FSD1L: variants seen among roughly 807,000 people sequenced by gnomAD.
FSD1L encodes FSD1-like protein.
A neutral mutation model predicts 71.6 loss-of-function variants in FSD1L; 45 were observed. That is an observed-to-expected ratio of 0.63 (90% CI 0.49 to 0.81). The LOEUF (loss-of-function observed/expected upper bound fraction) is 0.81, where lower values mean the gene tolerates loss of function less well. FSD1L is among the 30% of genes least tolerant of loss of function. FSD1L has a pLI of 0.00. For synonymous variants in FSD1L, 197 were observed against 207.2 expected (o/e 0.95, Z 0.42); for missense variants, 561 against 618.1 (o/e 0.91, Z 0.98).
chr9:105,543,082 T>C (rs1413038374), intron 13 of FSD1L, among the ~76,000 whole-genome samples: 1 of 152,132 alleles, frequency 6.6e-6, no homozygotes, highest in Non-Finnish European at 1.5e-5. Flanking sequence ...GAAAGTTGCT[T>C]TTGTATTTTG....
chr9:105,527,441 A>T (rs1035832614), intron 10 of FSD1L, among the ~76,000 whole-genome samples: 43 of 152,174 alleles, frequency 2.8e-4, no homozygotes, highest in African/African-American at 1.0e-3. Flanking sequence ...AATATTGTTA[A>T]TACTGAACTT....
chr9:105,521,701 A>C, intron 10 of FSD1L: 2 of 1,613,576 alleles, frequency 1.2e-6, no homozygotes, highest in Non-Finnish European at 1.7e-6. Context: ...AAAAGAGAAG[A>C]GGAAAATGGG....
At chr9:105,536,991 T>C (rs1836310643) in intron 12 of FSD1L, among the ~76,000 whole-genome samples, 3 of 152,190 alleles carry the variant, frequency 2.0e-5, no homozygotes, top group Admixed American at 2.0e-4. Flanking sequence ...ATGAAGACTA[T>C]TACATTTACC....
At chr9:105,462,219 G>GTT (rs775069927) in intron 2 of FSD1L, among the ~76,000 whole-genome samples, 13 of 134,724 alleles carry the variant, frequency 9.6e-5, no homozygotes, top group Non-Finnish European at 1.8e-4. Context: ...TTTAAGTTTT[G>GTT]TTTTTTTTTT....
At chr9:105,522,774 G>T in intron 10 of FSD1L, 1 of 1,610,446 alleles carries the variant, frequency 6.2e-7, no homozygotes, top group Non-Finnish European at 8.5e-7. Context: ...TCTGATGGAT[G>T]AGTTTATAGC....
chr9:105,448,269 A>C, intron 1 of FSD1L, 34 bp downstream of exon 1: 1 of 1,519,884 alleles, frequency 6.6e-7, no homozygotes, highest in Non-Finnish European at 8.8e-7. Flanking sequence ...GGCTACCGAG[A>C]CAAGCCGGGC....
At chr9:105,472,599 AG>A (rs1319562970) in intron 5 of FSD1L, 2 of 152,216 alleles carry the variant, frequency 1.3e-5, no homozygotes, top group African/African-American at 4.8e-5. Context: ...CTATATAATT[AG>A]CAAAAATTAC....
At chr9:105,486,712 A>G (rs1213260871) in intron 7 of FSD1L, among the ~76,000 whole-genome samples, 1 of 152,172 alleles carries the variant, frequency 6.6e-6, no homozygotes, top group African/African-American at 2.4e-5. Flanking sequence ...AATTTCAGCA[A>G]CTTAGAGAGG....
intron 10 of FSD1L, among the ~76,000 whole-genome samples, chr9:105,529,178 A>T (rs1216959493): frequency 6.6e-6 from 1 of 152,174 alleles, no homozygotes; most frequent in Non-Finnish European, 1.5e-5. Flanking sequence ...GTGGGAGTGT[A>T]AATTAATTAG....
chr9:105,519,085 C>T (rs56879807), intron 10 of FSD1L, among the ~76,000 whole-genome samples: 2,400 of 152,118 alleles, frequency 0.016, 88 homozygotes, highest in African/African-American at 0.055. Flanking sequence ...ACACATACAC[C>T]CTCCCAAGTC....
chr9:105,504,956 T>C (rs1833964104), intron 7 of FSD1L, among the ~76,000 whole-genome samples: 1 of 152,212 alleles, frequency 6.6e-6, no homozygotes, highest in Middle Eastern at 3.2e-3. Flanking sequence ...CTCCTCCATA[T>C]ACAATTTCCC....
chr9:105,525,988 A>C (rs1174047152), intron 10 of FSD1L: 1 of 1,563,892 alleles, frequency 6.4e-7, no homozygotes, highest in Non-Finnish European at 8.8e-7. Flanking sequence ...GTCAGAGCAT[A>C]CTAGAGACTA....
At chr9:105,538,343 A>G (rs1836395356) in intron 12 of FSD1L, among the ~76,000 whole-genome samples, 2 of 152,246 alleles carry the variant, frequency 1.3e-5, no homozygotes, top group Non-Finnish European at 2.9e-5. Context: ...AATAATGTGC[A>G]TAAATATTAG....
chr9:105,497,865 A>C (rs1381546558), intron 7 of FSD1L, among the ~76,000 whole-genome samples: 2 of 151,710 alleles, frequency 1.3e-5, no homozygotes, highest in African/African-American at 4.8e-5. Flanking sequence ...GTTTTTAGAG[A>C]TAGAGTCTTG....
At chr9:105,455,095 C>G (rs953179782) in intron 1 of FSD1L, among the ~76,000 whole-genome samples, 4 of 152,178 alleles carry the variant, frequency 2.6e-5, no homozygotes, top group Admixed American at 2.6e-4. Context: ...TGATTCCGCT[C>G]TTTATCACTG....
In FSD1L at chr9:105,546,511, G is replaced by A. The variant is rs576106890; in HGVS notation, c.*28G>A. 55 of 1,499,754 alleles carry A rather than the reference G, an allele frequency of 3.7e-5. No homozygotes were observed. The South Asian group carries it at 4.4e-4, about 12-fold the overall frequency. 92.9% of individuals were successfully genotyped at this position (1,499,754 alleles called of 1,614,324 possible). The stretch of plus-strand genomic sequence containing the variant: ...TCTACTCAGAATACGTTTACCCTCC[G>A]TCTTGATTAGGTGGCCTTTTCTGTG... On this transcript the variant is annotated 3_prime_UTR_variant, in exon 14 of 14. Transcript: ENST00000481272.
intron 13 of FSD1L, among the ~76,000 whole-genome samples, chr9:105,543,416 T>C (rs1836756652): frequency 6.6e-6 from 1 of 152,190 alleles, no homozygotes; most frequent in South Asian, 2.1e-4. Context: ...CAAGCAGTTT[T>C]AATTTTATTT....
At chr9:105,502,445 A>G (rs1044925510) in intron 7 of FSD1L, among the ~76,000 whole-genome samples, 3 of 152,152 alleles carry the variant, frequency 2.0e-5, no homozygotes, top group Non-Finnish European at 2.9e-5. Flanking sequence ...GATTTATAGC[A>G]GTTGAGGCTT....
rs1837126577 is a variant in FSD1L at position 105,548,423 on chromosome 9, A to G, written c.*1940A>G. 1 of 152,522 alleles carries G rather than the reference A, an allele frequency of 6.6e-6. No individual in the cohort carries two copies. Among genetic ancestry groups the G allele is most frequent in the Non-Finnish European group, 1.5e-5 (1 of 67,982 alleles). The allele number at this position is 152,522 out of a possible 1,614,324, so 9.4% of individuals were successfully genotyped here. A position where few individuals can be genotyped will look rare whatever the true frequency, so the allele number is the denominator to read the frequency against. On this transcript the variant is annotated 3_prime_UTR_variant, in exon 14 of 14. Coordinates refer to ENST00000481272, the MANE Select transcript of FSD1L (RefSeq NM_001145313.3). ...ATGCTGTTGTATAAAATTTTTTACT[A>G]GTGTGTCTTATATAATTCTTTCTTC...
Sources: gnomAD v4.1 joint callset for allele counts (sites outside exome capture counted in the v4.1 genomes callset) on GRCh38, gnomAD v4.1.1 for gene constraint, MANE v1.5 for transcripts, NCBI Gene and HGNC (gene_info 2026-07-23, HGNC 2026-07-21) for gene names.